The following ANO5 variants were observed in gnomAD, a reference collection of about 807,000 sequenced individuals.
ANO5 encodes anoctamin 5.
A neutral mutation model predicts 121.0 loss-of-function variants in ANO5; 109 were observed. That is an observed-to-expected ratio of 0.90 (90% CI 0.77 to 1.06). The LOEUF is 1.06. ANO5 is among the 50% of genes least tolerant of loss of function. The pLI, the probability that ANO5 is intolerant of heterozygous loss-of-function variation, is 0.00. For synonymous variants in ANO5, 406 were observed against 359.9 expected (o/e 1.13, Z -1.45); for missense variants, 1,064 against 1,078.5 (o/e 0.99, Z 0.19).
intron 7 of ANO5, among the ~76,000 whole-genome samples, chr11:22,231,551 G>A (rs1454465594): frequency 6.6e-6 from 1 of 151,388 alleles, no homozygotes; most frequent in Non-Finnish European, 1.5e-5. Flanking sequence ...CATTTTAATG[G>A]TTCTTTATAT....
intron 16 of ANO5, among the ~76,000 whole-genome samples, chr11:22,262,720 G>T (rs571192278): frequency 2.8e-4 from 43 of 152,280 alleles, no homozygotes; most frequent in African/African-American, 1.0e-3. Flanking sequence ...TTCTAAGAAT[G>T]AGACCCAGAA....
intron 8 of ANO5, among the ~76,000 whole-genome samples, chr11:22,237,350 T>C (rs967834105): frequency 6.6e-6 from 1 of 152,098 alleles, no homozygotes; most frequent in African/African-American, 2.4e-5. Flanking sequence ...GGACTTAGTC[T>C]GTTGTGCTAG....
intron 17 of ANO5, among the ~76,000 whole-genome samples, chr11:22,269,488 G>GAAAAAAAGAAAAGGAAGGAAAGA (rs141972424): frequency 4.1e-4 from 5 of 12,162 alleles, no homozygotes; most frequent in Non-Finnish European, 6.9e-4. Context: ...AGAAAGGAAA[G>GAAAAAAAGAAAAGGAAGGAAAGA]AAAAAAGAAA....
intron 21 of ANO5, chr11:22,278,016 TAA>T (rs911455216): frequency 1.4e-4 from 22 of 151,760 alleles, no homozygotes; most frequent in African/African-American, 5.3e-4. Context: ...AATGTATAAT[TAA>T]AAGTTGTTTT....
At chr11:22,254,278 C>T (rs147719506) in intron 12 of ANO5, among the ~76,000 whole-genome samples, 85 of 152,186 alleles carry the variant, frequency 5.6e-4, no homozygotes, top group South Asian at 1.5e-3. Flanking sequence ...TAGTTCCTTA[C>T]ATTATTTAAA....
At chr11:22,239,288 T>C (rs1003579469) in intron 8 of ANO5, among the ~76,000 whole-genome samples, 6 of 152,130 alleles carry the variant, frequency 3.9e-5, no homozygotes. Flanking sequence ...AATATTATAT[T>C]AGGATTTGAG....
At chr11:22,260,375 C>T (rs1854152682) in intron 15 of ANO5, among the ~76,000 whole-genome samples, 1 of 151,998 alleles carries the variant, frequency 6.6e-6, no homozygotes, top group African/African-American at 2.4e-5. Context: ...ATCAAGGCAT[C>T]AGCCTCTTCT....
intron 2 of ANO5, 99 bp downstream of exon 2, chr11:22,203,949 C>A: frequency 1.4e-6 from 1 of 716,670 alleles, no homozygotes. Context: ...ATAATACATT[C>A]TATTATGCCC....
intron 1 of ANO5, among the ~76,000 whole-genome samples, chr11:22,196,357 G>T (rs547441127): frequency 7.9e-5 from 12 of 152,252 alleles, no homozygotes; most frequent in South Asian, 4.1e-4. Flanking sequence ...ATTCATTCAT[G>T]AGGATGGAGC....
chr11:22,263,493 G>A (rs941522249), intron 17 of ANO5, among the ~76,000 whole-genome samples: 14 of 151,970 alleles, frequency 9.2e-5, no homozygotes, highest in African/African-American at 3.4e-4. Flanking sequence ...TGTAATCTAG[G>A]CATAAAAATA....
intron 17 of ANO5, 113 bp from the exon 18 acceptor site, chr11:22,270,199 T>G (rs1222406707): frequency 6.6e-6 from 9 of 1,368,444 alleles, no homozygotes; most frequent in Non-Finnish European, 8.1e-6. Flanking sequence ...TGCTCTGTGA[T>G]CTTAAGTTAT....
chr11:22,194,721 G>A (rs752954343), intron 1 of ANO5, among the ~76,000 whole-genome samples: 1 of 152,072 alleles, frequency 6.6e-6, no homozygotes. Context: ...CTTCTTTCTC[G>A]TAGATTAACG....
At chr11:22,260,466 A>G (rs1040538099) in intron 15 of ANO5, among the ~76,000 whole-genome samples, 1 of 152,180 alleles carries the variant, frequency 6.6e-6, no homozygotes, top group Admixed American at 6.5e-5. Flanking sequence ...AAAAGACCAC[A>G]TTATTCAGTC....
chr11:22,274,418 A>G, intron 19 of ANO5, 151 bp from the exon 20 acceptor site: 1 of 761,468 alleles, frequency 1.3e-6, no homozygotes, highest in Admixed American at 3.1e-5. Context: ...TTTGTGTTTC[A>G]GGACAAAGAC....
chr11:22,258,914 A>C (rs1037092607), intron 14 of ANO5, among the ~76,000 whole-genome samples: 2 of 152,122 alleles, frequency 1.3e-5, no homozygotes, highest in African/African-American at 4.8e-5. Context: ...TAGGCAGATC[A>C]CGAGGTCAGG....
intron 13 of ANO5, 152 bp from the exon 14 acceptor site, chr11:22,257,528 G>T: frequency 1.5e-6 from 1 of 670,154 alleles, no homozygotes; most frequent in African/African-American, 1.8e-5. Context: ...TCAAGAGAAG[G>T]AACCATTCCT....
At chr11:22,228,384 T>C (rs1161609556) in intron 7 of ANO5, among the ~76,000 whole-genome samples, 3 of 152,184 alleles carry the variant, frequency 2.0e-5, no homozygotes, top group Middle Eastern at 6.8e-3. Context: ...CACATAATTG[T>C]ACATATTTAT....
upstream of ANO5, among the ~76,000 whole-genome samples, chr11:22,192,679 G>A (rs906391489): frequency 6.6e-6 from 1 of 152,246 alleles, no homozygotes; most frequent in African/African-American, 2.4e-5. Context: ...GGCTGAGGGA[G>A]CATCGGGACC....
rs182126057 is a variant in ANO5, at chr11:22,259,002, G to A, written c.1408-517G>A. Reference sequence around the variant, plus strand: ...CAAAAAATTAGCCGGGTGTGGTGGCGGTCACCTGTAGTCCCATCTACTAAG... The same window carrying A: ...CAAAAAATTAGCCGGGTGTGGTGGCAGTCACCTGTAGTCCCATCTACTAAG... On this transcript the variant is annotated intron_variant, in intron 14 of 21. Coordinates refer to ENST00000324559, the MANE Select transcript of ANO5 (RefSeq NM_213599.3). 5.1e-3 allele frequency among the ~76,000 whole-genome samples: 771 copies of A among 151,958 alleles called. 6 individuals carry two copies. Among genetic ancestry groups the A allele is most frequent in the Non-Finnish European group, 9.1e-3 (619 of 67,896 alleles).
Sources: allele counts gnomAD v4.1 joint callset (sites outside exome capture counted in the v4.1 genomes callset), GRCh38; gene constraint gnomAD v4.1.1; transcripts MANE v1.5; gene names NCBI Gene and HGNC (gene_info 2026-07-23, HGNC 2026-07-21).